Variants in PITPNM2 observed in about 807,000 individuals in gnomAD.
The protein encoded by PITPNM2 is phosphatidylinositol transfer protein membrane associated 2.
In PITPNM2, 35 loss-of-function variants were observed where a neutral mutation model predicts 132.2. The ratio of observed to expected loss-of-function variants is 0.26; its 90% CI spans 0.20 to 0.35. The LOEUF (loss-of-function observed/expected upper bound fraction) is 0.35. Among genes scored for constraint, PITPNM2 ranks in the 10% least tolerant of loss-of-function variants. The probability of loss-of-function intolerance (pLI) is 1.00; values close to 1 mark genes in which losing one functional copy is unlikely to be tolerated. For synonymous variants in PITPNM2, 738 were observed against 799.2 expected (o/e 0.92, Z 1.29); for missense variants, 1,332 against 1,912.0 (o/e 0.70, Z 5.66).
intron 1 of PITPNM2, among the ~76,000 whole-genome samples, chr12:123,119,064 G>C (rs553015179): frequency 1.3e-5 from 2 of 152,234 alleles, no homozygotes; most frequent in African/African-American, 2.4e-5. Flanking sequence ...GATGTATCTG[G>C]GCTCAGCGTT....
intron 3 of PITPNM2, among the ~76,000 whole-genome samples, chr12:123,026,259 C>T (rs1361946319): frequency 6.6e-6 from 1 of 152,116 alleles, no homozygotes; most frequent in Non-Finnish European, 1.5e-5. Context: ...TGGAATGTGA[C>T]CTTATTTGGA....
At chr12:123,042,226 G>A (rs1010875622) in intron 2 of PITPNM2, among the ~76,000 whole-genome samples, 7 of 151,940 alleles carry the variant, frequency 4.6e-5, no homozygotes, top group Non-Finnish European at 8.8e-5. Flanking sequence ...AGGGAGTAGA[G>A]GAGAAAAGTG....
rs902929938 is a variant in PITPNM2 at position 123,036,008 on chromosome 12, G to A, written c.-95-1323C>T. ...AGAGTAGCTGGGACTACAGATGCACGCCACCCACACCCGGCTAACGGTAGT... is the reference window on the plus strand; with the variant it reads ...AGAGTAGCTGGGACTACAGATGCACACCACCCACACCCGGCTAACGGTAGT... On this transcript the variant is annotated intron_variant, in intron 2 of 25. Coordinates refer to ENST00000320201, the MANE Select transcript of PITPNM2 (RefSeq NM_020845.3). This position sits in a 1 kb window ranked among gnomAD's most constrained non-coding sequence, Gnocchi z 4.1. Among the ~76,000 whole-genome samples the A allele has an allele frequency of 6.6e-6, 1 of 152,072 alleles. No individual in the cohort carries two copies.
At position 122,992,001 on chromosome 12, in the gene PITPNM2, C is replaced by T. The variant is rs965959184; in HGVS notation, c.2404+498G>A. 16 of 1,102,652 alleles carry T rather than the reference C, an allele frequency of 1.5e-5. No individual in the cohort carries two copies. The highest frequency in any genetic ancestry group is 1.3e-4 in the South Asian group (3 of 23,896). 68.3% of individuals were successfully genotyped at this position (1,102,652 alleles called of 1,614,324 possible). A position where few individuals can be genotyped will look rare whatever the true frequency, so the allele number is the denominator to read the frequency against. ...ACTCAGGGCTCCTCGAGGACCAGGA[C>T]GTGACAAGACGCTGGGACACACGCT... On this transcript the variant is annotated intron_variant, in intron 16 of 25. Coordinates refer to ENST00000320201, the MANE Select transcript of PITPNM2 (RefSeq NM_020845.3). The surrounding 1 kb of genome is among the most constrained non-coding windows in gnomAD (Gnocchi z 6.5).
intron 2 of PITPNM2, among the ~76,000 whole-genome samples, chr12:123,094,746 C>T (rs1380803085): frequency 3.3e-5 from 5 of 152,194 alleles, no homozygotes; most frequent in African/African-American, 1.2e-4. Flanking sequence ...AGAAGCAGCT[C>T]CCAGGTGGGG....
intron 3 of PITPNM2, among the ~76,000 whole-genome samples, chr12:123,028,029 C>A (rs983363275): frequency 6.6e-6 from 1 of 152,200 alleles, no homozygotes; most frequent in African/African-American, 2.4e-5. Flanking sequence ...TCAGAGACAG[C>A]GGCAGTTGGA....
intron 2 of PITPNM2, among the ~76,000 whole-genome samples, chr12:123,104,212 T>A (rs1049341446): frequency 6.6e-6 from 1 of 152,204 alleles, no homozygotes; most frequent in African/African-American, 2.4e-5. Context: ...ATTACAGGCG[T>A]GGGCCACCAT....
At chr12:123,069,848 C>T (rs1467134294) in intron 2 of PITPNM2, among the ~76,000 whole-genome samples, 1 of 152,184 alleles carries the variant, frequency 6.6e-6, no homozygotes, top group Non-Finnish European at 1.5e-5. Flanking sequence ...AGTTGTCTGA[C>T]CTTGGGCAGG....
chr12:122,997,188 C>T (rs2038467600), intron 11 of PITPNM2, 137 bp downstream of exon 11: 1 of 1,350,788 alleles, frequency 7.4e-7, no homozygotes, highest in Middle Eastern at 2.7e-4. Flanking sequence ...GTTTGGGCAC[C>T]TCCAGGTAGA....
In PITPNM2 at chr12:122,992,342, C is replaced by A. The variant is rs560408685; in HGVS notation, c.2404+157G>T. Reference sequence around the variant, plus strand: ...AGTGCGGAGGGATGCACCACCCCCACCCCCCACCCCCAACAGCTGTCCACC... The same window carrying A: ...AGTGCGGAGGGATGCACCACCCCCAACCCCCACCCCCAACAGCTGTCCACC... On this transcript the variant is annotated intron_variant, in intron 16 of 25. Coordinates refer to ENST00000320201, the MANE Select transcript of PITPNM2 (RefSeq NM_020845.3). The surrounding 1 kb of genome is among the most constrained non-coding windows in gnomAD (Gnocchi z 6.5). 1.5e-5 allele frequency among the ~76,000 whole-genome samples: 2 copies of A among 135,832 alleles called. No homozygotes were observed. Among genetic ancestry groups the A allele is most frequent in the South Asian group, 5.2e-4 (2 of 3,832 alleles). 89.1% of individuals were successfully genotyped at this position (135,832 alleles called of 152,430 possible). A position where few individuals can be genotyped will look rare whatever the true frequency, so the allele number is the denominator to read the frequency against.
rs1239781417 is a variant in PITPNM2 at position 123,111,451 on chromosome 12, G to A, written c.-199-963C>T. On this transcript the variant is annotated intron_variant, in intron 1 of 25. Transcript: ENST00000320201. This position sits in a 1 kb window ranked among gnomAD's most constrained non-coding sequence, Gnocchi z 4.1. ...AGACACCAGTCCATGCCCGCTAGGG[G>A]CAAGCACAGCCCTAACAAAGGGAAA... 6.6e-6 allele frequency among the ~76,000 whole-genome samples: 1 copy of A among 152,258 alleles called. No homozygotes were observed. Among genetic ancestry groups the A allele is most frequent in the East Asian group, 1.9e-4 (1 of 5,196 alleles).
At chr12:123,026,287 T>C (rs2039860246) in intron 3 of PITPNM2, among the ~76,000 whole-genome samples, 1 of 152,252 alleles carries the variant, frequency 6.6e-6, no homozygotes, top group South Asian at 2.1e-4. Context: ...TCTTTGCCGA[T>C]GTAAATGGAG....
At chr12:123,133,977 G>A (rs866607322) in intron 1 of PITPNM2, among the ~76,000 whole-genome samples, 21 of 151,834 alleles carry the variant, frequency 1.4e-4, no homozygotes, top group African/African-American at 4.8e-4. Flanking sequence ...CACCGCATCC[G>A]GCCCCAGCCT....
chr12:123,004,314 A>C lies in PITPNM2; in HGVS notation c.1048+80T>G. ...ACAGGCAACACCCGCATCAGTCCAC[A>C]CCCACACCCTAAGCCCTTTCAGACC... On this transcript the variant is annotated intron_variant, in intron 8 of 25. Coordinates refer to ENST00000320201, the MANE Select transcript of PITPNM2 (RefSeq NM_020845.3). This position sits in a 1 kb window ranked among gnomAD's most constrained non-coding sequence, Gnocchi z 4.9. 1 of 1,349,894 alleles carries C rather than the reference A, an allele frequency of 7.4e-7. No individual in the cohort carries two copies. The allele number at this position is 1,349,894 out of a possible 1,614,324, so 83.6% of individuals were successfully genotyped here. A position where few individuals can be genotyped will look rare whatever the true frequency, so the allele number is the denominator to read the frequency against.
At chr12:123,056,536 G>A (rs2041032562) in intron 2 of PITPNM2, among the ~76,000 whole-genome samples, 1 of 152,220 alleles carries the variant, frequency 6.6e-6, no homozygotes, top group Admixed American at 6.5e-5. Context: ...TTCTCAGTCA[G>A]CAGCTCTTGC....
chr12:123,098,348 G>C (rs1308207403), intron 2 of PITPNM2, among the ~76,000 whole-genome samples: 1 of 152,146 alleles, frequency 6.6e-6, no homozygotes, highest in Non-Finnish European at 1.5e-5. Flanking sequence ...ATCTAGGCAG[G>C]ATGGAGGGTG....
chr12:123,141,574 G>A (rs1442223817), intron 1 of PITPNM2, among the ~76,000 whole-genome samples: 1 of 152,046 alleles, frequency 6.6e-6, no homozygotes, highest in African/African-American at 2.4e-5. Context: ...TCCTGGAGAG[G>A]GAAGAGCAGC....
intron 2 of PITPNM2, among the ~76,000 whole-genome samples, chr12:123,040,510 C>G (rs538326321): frequency 6.6e-6 from 1 of 152,124 alleles, no homozygotes; most frequent in African/African-American, 2.4e-5. Flanking sequence ...TTTTCAAAAG[C>G]TTTTCTCTCA....
In PITPNM2 at chr12:123,005,347, C is replaced by T. The variant is rs748174985; in HGVS notation, c.845G>A (p.Gly282Glu). ...KHEAVSDQTS[G>E]EPPEPSSSNG... ...GCTGCTGCTGGGCTCCGGGGGCTCC[C>T]CAGAGGTCTGGTCCGAGACGGCTTC... is the stretch of plus-strand genomic sequence containing the variant. Residue 282 changes from glycine (G) to glutamate (E), a missense_variant, in exon 7 of 26, where the codon GGG (glycine) becomes GAG (glutamate). By Grantham distance (98) the Gly-to-Glu change is moderately conservative. This residue lies in a region of PITPNM2 where 710 missense variants were observed against 911.5 expected (regional missense o/e 0.78). Coordinates refer to ENST00000320201, the MANE Select transcript of PITPNM2 (RefSeq NM_020845.3). This position sits in a 1 kb window ranked among gnomAD's most constrained non-coding sequence, Gnocchi z 6.2. 1.2e-6 allele frequency: 2 copies of T among 1,614,026 alleles called. No homozygotes were observed. The highest frequency in any genetic ancestry group is 1.7e-6 in the Non-Finnish European group (2 of 1,180,036).
Sources: gnomAD v4.1 joint callset for allele counts (sites outside exome capture counted in the v4.1 genomes callset) on GRCh38, gnomAD v4.1.1 for gene constraint, gnomAD v4.1.1 regional missense constraint, Gnocchi (gnomAD v3.1) non-coding constraint, MANE v1.5 for transcripts, NCBI Gene and HGNC (gene_info 2026-07-23, HGNC 2026-07-21) for gene names.